AGBL4: variants seen among roughly 807,000 people sequenced by gnomAD.
AGBL4 encodes the protein AGBL carboxypeptidase 4, also known as cytosolic carboxypeptidase 6.
In AGBL4, 58 loss-of-function variants were observed where a neutral mutation model predicts 66.4. The ratio of observed to expected loss-of-function variants is 0.87; its 90% CI spans 0.71 to 1.09. The LOEUF (loss-of-function observed/expected upper bound fraction) is 1.09, where lower values mean the gene tolerates loss of function less well. Among genes scored for constraint, AGBL4 ranks in the 50% least tolerant of loss-of-function variants. AGBL4 has a pLI of 0.00. For synonymous variants in AGBL4, 234 were observed against 222.9 expected, an observed-to-expected ratio of 1.05 and a Z score of -0.44; for missense variants, 579 against 631.0, an observed-to-expected ratio of 0.92 and a Z score of 0.88.
chr1:49,243,742 T>C (rs1651419008), intron 4 of AGBL4, among the ~76,000 whole-genome samples: 2 of 151,662 alleles, frequency 1.3e-5, no homozygotes, highest in Non-Finnish European at 3.0e-5. Flanking sequence ...GAAAGGAAAC[T>C]CTGAAGCAAT....
At chr1:49,942,801 G>C (rs145389363) in intron 1 of AGBL4, among the ~76,000 whole-genome samples, 1 of 152,086 alleles carries the variant, frequency 6.6e-6, no homozygotes, top group Non-Finnish European at 1.5e-5. Flanking sequence ...CAAAAGCACA[G>C]ACAACAAAAG....
intron 1 of AGBL4, among the ~76,000 whole-genome samples, chr1:49,978,325 T>C (rs559420778): frequency 1.3e-5 from 2 of 152,250 alleles, no homozygotes; most frequent in South Asian, 4.2e-4. Context: ...GCACTTGTAG[T>C]CCCAGCTACT....
In AGBL4 at chr1:49,227,851, T is replaced by C. The variant is rs548099217; in HGVS notation, c.377+17919A>G. 3.3e-5 allele frequency among the ~76,000 whole-genome samples: 5 copies of C among 152,270 alleles called. No individual in the cohort carries two copies. In the South Asian group the frequency reaches 8.3e-4, roughly 25 times the overall value. ...CTATTCTCTAATCTTCAGCCATACC[T>C]TTATTATGCTGGTGACAGGAGCTTG... is the stretch of plus-strand genomic sequence containing the variant. On this transcript the variant is annotated intron_variant, in intron 4 of 13. Coordinates refer to ENST00000371839, the MANE Select transcript of AGBL4 (RefSeq NM_032785.4).
At chr1:48,770,558 C>T (rs1391965979) in intron 6 of AGBL4, among the ~76,000 whole-genome samples, 1 of 152,198 alleles carries the variant, frequency 6.6e-6, no homozygotes, top group Non-Finnish European at 1.5e-5. Context: ...TTCAAACCTT[C>T]CTTAGTTCAT....
chr1:49,398,404 C>G (rs1203964810), intron 3 of AGBL4, among the ~76,000 whole-genome samples: 1 of 151,724 alleles, frequency 6.6e-6, no homozygotes, highest in East Asian at 1.9e-4. Flanking sequence ...CTAGGACTTA[C>G]AGCAGCATTC....
chr1:49,866,251 A>G (rs970533453), intron 1 of AGBL4, among the ~76,000 whole-genome samples: 2 of 152,132 alleles, frequency 1.3e-5, no homozygotes, highest in African/African-American at 4.8e-5. Flanking sequence ...TTCAGAAAAT[A>G]CAGGGAGCCC....
intron 3 of AGBL4, among the ~76,000 whole-genome samples, chr1:49,469,428 G>T (rs906767082): frequency 6.6e-6 from 1 of 151,686 alleles, no homozygotes; most frequent in Non-Finnish European, 1.5e-5. Context: ...AAGAGATTGG[G>T]CCAACTAAGA....
chr1:49,594,058 G>C (rs565487519), intron 3 of AGBL4, among the ~76,000 whole-genome samples: 1 of 152,094 alleles, frequency 6.6e-6, no homozygotes, highest in African/African-American at 2.4e-5. Context: ...CTCAGGCAGC[G>C]TTGCAGAAAA....
chr1:49,212,032 T>G (rs354156), intron 4 of AGBL4, among the ~76,000 whole-genome samples: 141,405 of 152,088 alleles, frequency 0.93, 65,843 homozygotes, highest in South Asian at 0.95. Context: ...ATTTTACAGA[T>G]GGTGAAACTA....
chr1:48,679,227 A>G (rs1646415557), intron 6 of AGBL4, among the ~76,000 whole-genome samples: 2 of 152,228 alleles, frequency 1.3e-5, no homozygotes, highest in African/African-American at 4.8e-5. Flanking sequence ...AGGCCTGTGC[A>G]TAGACACTGG....
chr1:48,571,248 C>T (rs1220199153), intron 11 of AGBL4, among the ~76,000 whole-genome samples: 1 of 152,236 alleles, frequency 6.6e-6, no homozygotes, highest in Non-Finnish European at 1.5e-5. Flanking sequence ...TGAAACCAGA[C>T]ATGTATGATT....
chr1:48,755,139 C>G (rs1652348283), intron 6 of AGBL4, among the ~76,000 whole-genome samples: 2 of 152,204 alleles, frequency 1.3e-5, no homozygotes, highest in Admixed American at 6.5e-5. Context: ...TGCTATCCCC[C>G]ACCCTTGGGT....
chr1:49,963,100 G>A (rs377578917), intron 1 of AGBL4, among the ~76,000 whole-genome samples: 40 of 152,200 alleles, frequency 2.6e-4, no homozygotes, highest in African/African-American at 9.4e-4. Context: ...CCAAACATAC[G>A]TGTGTGTTGG....
chr1:49,954,795 G>A (rs1451538020), intron 1 of AGBL4, among the ~76,000 whole-genome samples: 1 of 151,692 alleles, frequency 6.6e-6, no homozygotes, highest in Non-Finnish European at 1.5e-5. Flanking sequence ...AAACTATGAG[G>A]CATTTTATTT....
chr1:49,629,819 T>C (rs1463135540), intron 3 of AGBL4, among the ~76,000 whole-genome samples: 2 of 152,098 alleles, frequency 1.3e-5, no homozygotes, highest in African/African-American at 4.8e-5. Context: ...CATGGCCACC[T>C]CTTCTATTAA....
At chr1:49,231,671 A>C (rs1227163103) in intron 4 of AGBL4, among the ~76,000 whole-genome samples, 1 of 152,192 alleles carries the variant, frequency 6.6e-6, no homozygotes, top group East Asian at 1.9e-4. Context: ...ACCCATACAT[A>C]CCACATTCAC....
At chr1:49,832,118 A>G (rs1359027685) in intron 2 of AGBL4, among the ~76,000 whole-genome samples, 4 of 151,638 alleles carry the variant, frequency 2.6e-5, no homozygotes, top group Non-Finnish European at 4.4e-5. Flanking sequence ...TTAGCATTAG[A>G]TATATCTCCT....
intron 4 of AGBL4, among the ~76,000 whole-genome samples, chr1:49,185,660 C>T (rs760466031): frequency 4.6e-5 from 7 of 152,114 alleles, no homozygotes; most frequent in Middle Eastern, 3.2e-3. Context: ...ATTAAAAACA[C>T]GAAGGAAGTT....
chr1:48,939,025 C>T (rs887336445), intron 5 of AGBL4, among the ~76,000 whole-genome samples: 5 of 152,180 alleles, frequency 3.3e-5, no homozygotes, highest in African/African-American at 1.2e-4. Context: ...AGTTGACTTA[C>T]CCTGACTGTC....
Sources: gnomAD v4.1 joint callset for allele counts (sites outside exome capture counted in the v4.1 genomes callset) on GRCh38, gnomAD v4.1.1 for gene constraint, MANE v1.5 for transcripts, NCBI Gene and HGNC (gene_info 2026-07-23, HGNC 2026-07-21) for gene names.